The following CSF2RA variants were observed in gnomAD, a reference collection of about 807,000 sequenced individuals.
CSF2RA encodes granulocyte-macrophage colony-stimulating factor receptor subunit alpha.
Under a neutral mutation model 51.6 loss-of-function variants are expected in CSF2RA, and 42 were observed. The ratio of observed to expected loss-of-function variants is 0.81; its 90% CI spans 0.64 to 1.05. The LOEUF is 1.05. CSF2RA is among the 50% of genes least tolerant of loss of function. CSF2RA has a pLI of 0.00. For missense variants in CSF2RA, 530 were observed against 501.1 expected, an observed-to-expected ratio of 1.06 and a Z score of -0.55; for synonymous variants, 222 against 193.0, an observed-to-expected ratio of 1.15 and a Z score of -1.24.
chrX:1,304,733 C>T (rs2083381064), intron 11 of CSF2RA, among the ~76,000 whole-genome samples: 1 of 151,882 alleles, frequency 6.6e-6, no homozygotes, highest in African/African-American at 2.4e-5. Flanking sequence ...GTTGCAATCT[C>T]GGCTCACTGC....
chrX:1,318,263 A>G, the CSF2RA span, among the ~76,000 whole-genome samples: 1 of 151,626 alleles, frequency 6.6e-6, no homozygotes, highest in African/African-American at 2.4e-5. Flanking sequence ...TCCCGGGTTC[A>G]AGTGATTCTC....
intron 10 of CSF2RA, among the ~76,000 whole-genome samples, chrX:1,303,548 G>C (rs1309439450): frequency 6.6e-6 from 1 of 151,466 alleles, no homozygotes; most frequent in East Asian, 1.9e-4. Context: ...CCCAATTTTT[G>C]TATTTTTGGT....
At chrX:1,324,722 G>A in the CSF2RA span, among the ~76,000 whole-genome samples, 3 of 152,138 alleles carry the variant, frequency 2.0e-5, no homozygotes, top group Non-Finnish European at 2.9e-5. Flanking sequence ...AAGCACTCTC[G>A]TTGCCACCTA....
downstream of CSF2RA, among the ~76,000 whole-genome samples, chrX:1,315,010 A>ATCTGCCCAACCACTCTGTG (rs2084511102): frequency 7.7e-6 from 1 of 130,648 alleles, no homozygotes; most frequent in African/African-American, 2.8e-5. Flanking sequence ...ACCCCACTGC[A>ATCTGCCCAACCACTCTGTG]CCTGCCCAAC....
chrX:1,280,128 A>C (rs1188291535), intron 2 of CSF2RA, among the ~76,000 whole-genome samples: 1 of 152,068 alleles, frequency 6.6e-6, no homozygotes, highest in Non-Finnish European at 1.5e-5. Context: ...TTGGAGCAGG[A>C]ACCTCAGGGT....
downstream of CSF2RA, among the ~76,000 whole-genome samples, chrX:1,310,719 A>G (rs1383067915): frequency 2.0e-5 from 3 of 151,542 alleles, no homozygotes; most frequent in Admixed American, 6.6e-5. Flanking sequence ...TCCCTGGGTT[A>G]TAAATCCAGT....
the CSF2RA span, among the ~76,000 whole-genome samples, chrX:1,324,896 G>A: frequency 6.6e-6 from 1 of 152,110 alleles, no homozygotes; most frequent in Non-Finnish European, 1.5e-5. Context: ...CCTTGTCAGA[G>A]CCCTGTGTCC....
At chrX:1,271,985 G>C (rs745862289) in intron 1 of CSF2RA, among the ~76,000 whole-genome samples, 1 of 148,026 alleles carries the variant, frequency 6.8e-6, no homozygotes, top group Non-Finnish European at 1.5e-5. Flanking sequence ...ACGGAGTCTC[G>C]CTCTGTCACC....
chrX:1,320,498 G>GT, the CSF2RA span, among the ~76,000 whole-genome samples: 2 of 98,360 alleles, frequency 2.0e-5, no homozygotes, highest in African/African-American at 8.9e-5. Context: ...TGCCAATGTG[G>GT]CTTTTTTTTT....
Position 1,300,459 on chromosome X carries a change from G to T in CSF2RA, c.811-32G>T, listed in dbSNP as rs776357191. 9.3e-6 allele frequency: 15 copies of T among 1,613,434 alleles called. No individual in the cohort carries two copies. In the East Asian group the frequency reaches 1.8e-4, roughly 19 times the overall value. On this transcript the variant is annotated intron_variant, in intron 9 of 12. Coordinates refer to ENST00000381529, the MANE Select transcript of CSF2RA (RefSeq NM_172245.4). ...CAACCTTTTCCTCCACACAGAAGAC[G>T]CCTATCTCTAACTTTCTTTTTTCCT...
chrX:1,313,043 A>T (rs1176732938), downstream of CSF2RA, among the ~76,000 whole-genome samples: 1 of 152,102 alleles, frequency 6.6e-6, no homozygotes, highest in Non-Finnish European at 1.5e-5. Flanking sequence ...CACCTCCCCA[A>T]GGGAGCACCA....
chrX:1,321,068 TCCTGACCACAGGTGACCCA>T, the CSF2RA span, among the ~76,000 whole-genome samples: 1 of 151,908 alleles, frequency 6.6e-6, no homozygotes, highest in African/African-American at 2.4e-5. Context: ...GGTCTTGAAC[TCCTGACCACAGGTGACCCA>T]CCCTCCTCGG....
At position 1,274,834 on chromosome X, in the gene CSF2RA, G is replaced by C; in HGVS notation, c.-27+16G>C. On this transcript the variant is annotated intron_variant, in intron 2 of 12. Coordinates refer to ENST00000381529, the MANE Select transcript of CSF2RA (RefSeq NM_172245.4). ...GTAGAACCCTGTACGTGCTTCCTTC[G>C]GCCTGTCGGTAATGTGGTTGGGGAT... The C allele has an allele frequency of 2.2e-6, 1 of 453,436 alleles. No homozygotes were observed. The highest frequency in any genetic ancestry group is 4.4e-6 in the Non-Finnish European group (1 of 226,682). The allele number at this position is 453,436 out of a possible 1,614,324, so 28.1% of individuals were successfully genotyped here. A position where few individuals can be genotyped will look rare whatever the true frequency, so the allele number is the denominator to read the frequency against.
downstream of CSF2RA, among the ~76,000 whole-genome samples, chrX:1,314,990 C>T (rs866064555): frequency 5.9e-3 from 602 of 102,812 alleles, 56 homozygotes; most frequent in African/African-American, 0.016. Context: ...AATCGCACTG[C>T]ACCTGCCCAA....
chrX:1,289,741 CTTTTGTGTTTGTTTTTGTTTTGTGT>C (rs2091168434), intron 6 of CSF2RA, among the ~76,000 whole-genome samples: 1 of 87,766 alleles, frequency 1.1e-5, no homozygotes, highest in African/African-American at 4.8e-5. Context: ...TTGTGGTTTT[CTTTTGTGTTTGTTTTTGTTTTGTGT>C]TTTTGTGTTT....
intron 2 of CSF2RA, among the ~76,000 whole-genome samples, chrX:1,281,056 T>TCCTCCTCCTTCTC (rs2089951792): frequency 1.0e-4 from 1 of 9,858 alleles, no homozygotes; most frequent in African/African-American, 3.1e-4. Context: ...CTGCTCCCCT[T>TCCTCCTCCTTCTC]CTCCTCCTCC....
chrX:1,277,060 C>T (rs1349400957), intron 2 of CSF2RA, among the ~76,000 whole-genome samples: 1 of 152,016 alleles, frequency 6.6e-6, no homozygotes, highest in Non-Finnish European at 1.5e-5. Flanking sequence ...GATCACGCCA[C>T]TGCACTCCAG....
chrX:1,314,539 GCCCAATCCCAC>G (rs2084409936), downstream of CSF2RA, among the ~76,000 whole-genome samples: 1 of 112,548 alleles, frequency 8.9e-6, no homozygotes, highest in African/African-American at 3.9e-5. Context: ...CACTGCACCT[GCCCAATCCCAC>G]TGCACCTGCC....
At chrX:1,323,826 A>G in the CSF2RA span, among the ~76,000 whole-genome samples, 1 of 151,612 alleles carries the variant, frequency 6.6e-6, no homozygotes, top group East Asian at 2.0e-4. Flanking sequence ...CATCCTGGCT[A>G]ACACGGTGAA....
Sources: allele counts gnomAD v4.1 joint callset (sites outside exome capture counted in the v4.1 genomes callset), GRCh38; gene constraint gnomAD v4.1.1; transcripts MANE v1.5; gene names NCBI Gene and HGNC (gene_info 2026-07-23, HGNC 2026-07-21).